SACS: variants seen among roughly 807,000 people sequenced by gnomAD.
The protein encoded by SACS is sacsin molecular chaperone, also known as sacsin.
SACS carries 197 observed loss-of-function variants against 348.0 expected under a neutral mutation model. That is an observed-to-expected ratio of 0.57 (90% confidence interval 0.50 to 0.64). The LOEUF (loss-of-function observed/expected upper bound fraction) is 0.64. SACS is among the 30% of genes least tolerant of loss of function. The probability of loss-of-function intolerance (pLI) is 0.00; values close to 1 mark genes in which losing one functional copy is unlikely to be tolerated. For missense variants in SACS, 4,999 were observed against 5,360.8 expected, an observed-to-expected ratio of 0.93 and a Z score of 2.11; for synonymous variants, 1,985 against 1,910.6, an observed-to-expected ratio of 1.04 and a Z score of -1.02.
chr13:23,394,516 T>A (rs988016046), intron 2 of SACS, among the ~76,000 whole-genome samples: 1 of 152,218 alleles, frequency 6.6e-6, no homozygotes, highest in East Asian at 1.9e-4. Flanking sequence ...GTCAGAATAA[T>A]TTGTTCTTTA....
At chr13:23,401,746 A>G (rs1872986343) in intron 2 of SACS, among the ~76,000 whole-genome samples, 1 of 152,240 alleles carries the variant, frequency 6.6e-6, no homozygotes, top group Non-Finnish European at 1.5e-5. Flanking sequence ...TTCCAGAAGC[A>G]TCTGCAATCA....
At position 23,354,971 on chromosome 13, in the gene SACS, CG is replaced by C; in HGVS notation, c.1640del (p.Pro547ArgfsTer3). 1 of 1,614,202 alleles carries C rather than the reference CG, an allele frequency of 6.2e-7. No individual in the cohort carries two copies. The highest frequency in any genetic ancestry group is 8.5e-7 in the Non-Finnish European group (1 of 1,180,034). The stretch of plus-strand genomic sequence containing the variant: ...GCTCGCTGAATAGAGGCTCTAACAC[CG>C]GTTGCCAGTGCACCTTGACTTTGCT... ...EASKVKVHWQ[P>X]VLEPLFSELL... is the part of the protein sequence containing the mutation. On this transcript the variant is annotated frameshift_variant, in exon 8 of 10. Transcript: ENST00000382292. LOFTEE classifies it high-confidence loss of function.
chr13:23,423,221 T>A (rs939123793), intron 1 of SACS, among the ~76,000 whole-genome samples: 3 of 152,202 alleles, frequency 2.0e-5, no homozygotes, highest in African/African-American at 7.2e-5. Context: ...TCAGAGGCTA[T>A]TAGGTCTATA....
intron 1 of SACS, among the ~76,000 whole-genome samples, chr13:23,422,628 T>G (rs1443295400): frequency 6.6e-6 from 1 of 151,736 alleles, no homozygotes; most frequent in Non-Finnish European, 1.5e-5. Flanking sequence ...ACTAAAACAG[T>G]CTGTGTGCAA....
At chr13:23,425,273 T>TGGGGCCTGGTTTCCACCC (rs1874123253) in intron 1 of SACS, among the ~76,000 whole-genome samples, 1 of 151,822 alleles carries the variant, frequency 6.6e-6, no homozygotes, top group African/African-American at 2.4e-5. Context: ...GATGTCCATC[T>TGGGGCCTGGTTTCCACCC]GGGGCCTGGT....
At chr13:23,345,342 AG>A (rs775939751) in intron 9 of SACS, among the ~76,000 whole-genome samples, 2 of 152,224 alleles carry the variant, frequency 1.3e-5, no homozygotes, top group African/African-American at 2.4e-5. Flanking sequence ...AGGAAAGAAA[AG>A]GGCAGCCTTC....
In SACS at chr13:23,336,433, T is replaced by C. The variant is rs1868606036; in HGVS notation, c.7443A>G (p.Val2481=). 6.2e-7 allele frequency: 1 copy of C among 1,614,120 alleles called. No individual in the cohort carries two copies. Among genetic ancestry groups the C allele is most frequent in the Non-Finnish European group, 8.5e-7 (1 of 1,179,958 alleles). ...TGGGTATGTCAGCATGACAATATTT[T>C]ACAGTGGTATCCTTTACTTTTATCC... The part of the protein sequence containing the change: ...CPWIKVKDTT[V]KYCHADIPRE... Residue 2481 remains valine, a synonymous_variant, in exon 10 of 10, where the codon GTA becomes GTG. Transcript: ENST00000382292.
intron 2 of SACS, among the ~76,000 whole-genome samples, chr13:23,398,637 G>C (rs1872812539): frequency 6.6e-6 from 1 of 151,978 alleles, no homozygotes; most frequent in Non-Finnish European, 1.5e-5. Flanking sequence ...TTGTCTGGTT[G>C]ACAATTGGTT....
chr13:23,397,879 G>A (rs952875245), intron 2 of SACS, among the ~76,000 whole-genome samples: 19 of 152,256 alleles, frequency 1.2e-4, no homozygotes, highest in African/African-American at 4.6e-4. Context: ...TTTTAGAGAG[G>A]CATGAGACAT....
In SACS at chr13:23,411,330, G is replaced by T; in HGVS notation, c.-91C>A. ...TCTTCCCTCTGTGCTTCCTTTAAAT[G>T]TGTACTCCAAGTTCAGCTCTTCCTG... On this transcript the variant is annotated 5_prime_UTR_variant, in exon 2 of 10. Transcript: ENST00000382292. The T allele has an allele frequency of 8.3e-7, 1 of 1,207,846 alleles. No individual in the cohort carries two copies. The highest frequency in any genetic ancestry group is 1.5e-5 in the African/African-American group (1 of 67,574). The allele number at this position is 1,207,846 out of a possible 1,614,324, so 74.8% of individuals were successfully genotyped here. A position where few individuals can be genotyped will look rare whatever the true frequency, so the allele number is the denominator to read the frequency against.
chr13:23,412,120 G>T (rs1247338272), intron 1 of SACS, among the ~76,000 whole-genome samples: 1 of 152,104 alleles, frequency 6.6e-6, no homozygotes, highest in Non-Finnish European at 1.5e-5. Flanking sequence ...TTAGCCGGGC[G>T]TGGTGGCGGG....
intron 5 of SACS, among the ~76,000 whole-genome samples, chr13:23,366,909 A>G (rs557880268): frequency 5.5e-5 from 8 of 146,558 alleles, no homozygotes; most frequent in Admixed American, 4.7e-4. Context: ...GGTGATTTCT[A>G]AGACTCCTAT....
intron 1 of SACS, chr13:23,427,497 T>C (rs1038700471): frequency 1.3e-5 from 2 of 152,282 alleles, no homozygotes; most frequent in Non-Finnish European, 2.9e-5. Context: ...AACTTGGCAC[T>C]ACTGTACATA....
Position 23,333,545 on chromosome 13 carries a change from C to A in SACS, c.10331G>T (p.Trp3444Leu). 1 of 1,613,446 alleles carries A rather than the reference C, an allele frequency of 6.2e-7. No homozygotes were observed. The highest frequency in any genetic ancestry group is 1.1e-5 in the South Asian group (1 of 91,050). Residue 3444 changes from tryptophan to leucine, a missense_variant, in exon 10 of 10, where the codon TGG becomes TTG. Trp to Leu is a moderately conservative substitution (Grantham distance 61, BLOSUM62 -2). Transcript: ENST00000382292. ...AAATGCAGATGATGATGACTGTGTC[C>A]ATTTCTCCACTTCAGCTGAAGGGAT... ...KSIPSAEVEK[W>L]TQSSSSAFLE...
At position 23,331,134 on chromosome 13, in the gene SACS, G is replaced by C; in HGVS notation, c.12742C>G (p.Pro4248Ala). 6.2e-7 allele frequency: 1 copy of C among 1,614,058 alleles called. No homozygotes were observed. The highest frequency in any genetic ancestry group is 8.5e-7 in the Non-Finnish European group (1 of 1,179,960). The change falls in exon 10 of 10, where the codon CCT (proline) becomes GCT (alanine). Residue 4248 changes from proline to alanine, a missense_variant. Physicochemically the swap from Pro to Ala is conservative, Grantham distance 27 (BLOSUM62 -1). This residue lies in a region of SACS where 831 missense variants were observed against 941.8 expected (regional missense o/e 0.88). Transcript: ENST00000382292. ...TCCCTGCTTTGAGAGCTTTCCTCAG[G>C]TCTTGAAAACTTATACAGATCAAGA... is the stretch of plus-strand genomic sequence containing the variant. Reference protein sequence around the residue: ...SSLDLYKFSRPEESSQSRDSA... With the variant: ...SSLDLYKFSRAEESSQSRDSA...
chr13:23,373,905 C>T, intron 3 of SACS: 1 of 153,076 alleles, frequency 6.5e-6, no homozygotes. Flanking sequence ...GGAGCCTCCT[C>T]TGCAATGTAG....
intron 2 of SACS, among the ~76,000 whole-genome samples, chr13:23,393,812 G>C (rs1329026895): frequency 6.6e-6 from 1 of 152,010 alleles, no homozygotes; most frequent in African/African-American, 2.4e-5. Flanking sequence ...CAAGGCTGGA[G>C]TGCAGTGGCA....
intron 9 of SACS, among the ~76,000 whole-genome samples, chr13:23,342,732 G>A (rs563803363): frequency 6.6e-6 from 1 of 152,336 alleles, no homozygotes; most frequent in African/African-American, 2.4e-5. Flanking sequence ...CTACAGAGAA[G>A]GTCATGAAGT....
At chr13:23,425,779 C>T (rs1176697555) in intron 1 of SACS, among the ~76,000 whole-genome samples, 1 of 152,112 alleles carries the variant, frequency 6.6e-6, no homozygotes, top group South Asian at 2.1e-4. Context: ...CCCCGAAGCT[C>T]CACCCCGCCT....
Sources: gnomAD v4.1 joint callset for allele counts (sites outside exome capture counted in the v4.1 genomes callset) on GRCh38, gnomAD v4.1.1 for gene constraint, gnomAD v4.1.1 regional missense constraint, MANE v1.5 for transcripts, NCBI Gene and HGNC (gene_info 2026-07-23, HGNC 2026-07-21) for gene names.